Variants in CCDC88C observed in about 807,000 individuals in gnomAD.
The protein encoded by CCDC88C is coiled-coil and HOOK domain protein 88C, also known as protein Daple.
Under a neutral mutation model 198.8 loss-of-function variants are expected in CCDC88C, and 131 were observed. The ratio of observed to expected loss-of-function variants is 0.66; its 90% CI spans 0.57 to 0.76. CCDC88C has a LOEUF of 0.76. Ranked by LOEUF, CCDC88C falls within the 30% of genes least tolerant of loss-of-function variation. The probability of loss-of-function intolerance (pLI) is 0.00; values close to 1 mark genes in which losing one functional copy is unlikely to be tolerated. For missense variants in CCDC88C, 2,553 were observed against 2,631.6 expected, an observed-to-expected ratio of 0.97 and a Z score of 0.65; for synonymous variants, 1,166 against 1,114.7, an observed-to-expected ratio of 1.05 and a Z score of -0.92.
chr14:91,281,207 G>C (rs1013029899), intron 27 of CCDC88C: 8 of 909,308 alleles, frequency 8.8e-6, no homozygotes, highest in Admixed American at 6.5e-5. Context: ...GTGCTTGAAG[G>C]CATGAAGAGG....
At chr14:91,328,919 G>A (rs1892689781) in intron 10 of CCDC88C, among the ~76,000 whole-genome samples, 1 of 152,196 alleles carries the variant, frequency 6.6e-6, no homozygotes, top group Non-Finnish European at 1.5e-5. Flanking sequence ...GCACCAGAGG[G>A]GGTGCGGAAT....
rs778244352 is a variant in CCDC88C, at chr14:91,303,996, CGCGGCGTGGCGCAG to C, written c.3358-32_3358-19del. 6.3e-7 allele frequency: 1 copy of C among 1,590,456 alleles called. No individual in the cohort carries two copies. Among genetic ancestry groups the C allele is most frequent in the South Asian group, 1.1e-5 (1 of 90,814 alleles). On this transcript the variant is annotated intron_variant, in intron 19 of 29. Coordinates refer to ENST00000389857, the MANE Select transcript of CCDC88C (RefSeq NM_001080414.4). ...TTCTCCACCTGCCGAGAGGGAGAAG[CGCGGCGTGGCGCAG>C]GCCCCACAGTCAGCGAGGAGGGCTG...
Position 91,326,368 on chromosome 14 carries a change from G to A in CCDC88C, c.1051-312C>T, listed in dbSNP as rs114903635. 6.8e-3 allele frequency among the ~76,000 whole-genome samples: 1,037 copies of A among 152,142 alleles called. 10 individuals are homozygous for A. The highest frequency in any genetic ancestry group is 0.023 in the African/African-American group (965 of 41,478). ...GCTGCAATTACAGGCGCCTGCTATCGCGCCCGGCTAATTTTTGTATCTTTA... is the reference window on the plus strand; with the variant it reads ...GCTGCAATTACAGGCGCCTGCTATCACGCCCGGCTAATTTTTGTATCTTTA... On this transcript the variant is annotated intron_variant, in intron 10 of 29. Transcript: ENST00000389857.
intron 25 of CCDC88C, chr14:91,285,880 G>T (rs1181617716): frequency 8.3e-6 from 9 of 1,090,386 alleles, no homozygotes; most frequent in Non-Finnish European, 1.1e-5. Flanking sequence ...GAAGGAAAAA[G>T]AAAACACAAA....
At chr14:91,386,045 A>C (rs562403452) in intron 3 of CCDC88C, among the ~76,000 whole-genome samples, 44 of 152,250 alleles carry the variant, frequency 2.9e-4, no homozygotes, top group African/African-American at 1.1e-3. Flanking sequence ...CCAGGGCCTC[A>C]TTACCTATCT....
rs781474691 is a variant in CCDC88C, at chr14:91,299,967, C to T, written c.3739G>A (p.Ala1247Thr). 67 of 1,593,164 alleles carry T rather than the reference C, an allele frequency of 4.2e-5. No individual in the cohort carries two copies. Among genetic ancestry groups the T allele is most frequent in the Non-Finnish European group, 5.0e-5 (59 of 1,171,366 alleles). ...LQQEQRTNAL[A>T]MGENQRLRGE... ...CGCAGCCTCTGGTTCTCGCCCATGG[C>T]GAGGGCGTTTGTCCTCTGCTCCTGC... The change falls in exon 21 of 30, where the codon GCC becomes ACC. Residue 1247 changes from alanine to threonine, a missense_variant. By Grantham distance (58) the Ala-to-Thr change is moderately conservative (BLOSUM62 0). This residue lies in a region of CCDC88C where 1,293 missense variants were observed against 1,219.6 expected (regional missense o/e 1.06). Coordinates refer to ENST00000389857, the MANE Select transcript of CCDC88C (RefSeq NM_001080414.4).
At chr14:91,301,574 G>A (rs555872582) in intron 20 of CCDC88C, among the ~76,000 whole-genome samples, 2 of 152,254 alleles carry the variant, frequency 1.3e-5, no homozygotes, top group South Asian at 4.2e-4. Context: ...AAAATTAGCC[G>A]GGTGTGGTGG....
intron 22 of CCDC88C, among the ~76,000 whole-genome samples, chr14:91,296,157 G>T (rs1332329428): frequency 1.3e-5 from 2 of 152,152 alleles, no homozygotes; most frequent in Non-Finnish European, 2.9e-5. Context: ...TGTTTGGGGG[G>T]ACTGGTTTGT....
intron 24 of CCDC88C, among the ~76,000 whole-genome samples, chr14:91,289,698 G>C (rs1180458445): frequency 6.6e-6 from 1 of 152,164 alleles, no homozygotes; most frequent in Non-Finnish European, 1.5e-5. Flanking sequence ...TTAATAATCA[G>C]TGAAATAAGC....
intron 3 of CCDC88C, among the ~76,000 whole-genome samples, chr14:91,365,363 C>T (rs1418416602): frequency 2.0e-5 from 3 of 152,210 alleles, no homozygotes; most frequent in Non-Finnish European, 4.4e-5. Context: ...GTCTGAGCGC[C>T]TCCCTTCTCC....
intron 10 of CCDC88C, among the ~76,000 whole-genome samples, chr14:91,332,212 G>A (rs888286511): frequency 1.3e-5 from 2 of 152,156 alleles, no homozygotes; most frequent in African/African-American, 4.8e-5. Context: ...AAAATACGGG[G>A]AAAGAGAACC....
chr14:91,274,074 ACAT>A (rs1260153184), intron 29 of CCDC88C, among the ~76,000 whole-genome samples: 2 of 151,842 alleles, frequency 1.3e-5, no homozygotes, highest in Non-Finnish European at 2.9e-5. Flanking sequence ...TCACCCCGGG[ACAT>A]CATAAGGACT....
intron 26 of CCDC88C, 111 bp from the exon 27 acceptor site, chr14:91,281,636 T>G: frequency 3.4e-6 from 3 of 893,610 alleles, no homozygotes; most frequent in Non-Finnish European, 5.5e-6. Flanking sequence ...CTCTTGGGGA[T>G]GAGGGAATGG....
intron 4 of CCDC88C, among the ~76,000 whole-genome samples, chr14:91,349,318 G>C (rs910115099): frequency 1.3e-5 from 2 of 152,252 alleles, no homozygotes; most frequent in Admixed American, 1.3e-4. Context: ...GAGTTCCACA[G>C]ATAAGGAGGA....
intron 5 of CCDC88C, among the ~76,000 whole-genome samples, chr14:91,343,104 G>A (rs1248622655): frequency 1.3e-5 from 2 of 152,084 alleles, no homozygotes; most frequent in Non-Finnish European, 2.9e-5. Context: ...ACAGGCATGC[G>A]CCACCACACC....
At chr14:91,402,709 A>G (rs995200263) in intron 3 of CCDC88C, among the ~76,000 whole-genome samples, 2 of 152,272 alleles carry the variant, frequency 1.3e-5, no homozygotes, top group African/African-American at 2.4e-5. Flanking sequence ...TTTCTTAAAA[A>G]AGGAAAAGGT....
Position 91,324,789 on chromosome 14 carries a change from G to T in CCDC88C, c.1332C>A (p.Asp444Glu). 6.2e-7 allele frequency: 1 copy of T among 1,611,594 alleles called. No homozygotes were observed. The highest frequency in any genetic ancestry group is 8.5e-7 in the Non-Finnish European group (1 of 1,179,882). Residue 444 changes from aspartate to glutamate, a missense_variant, in exon 12 of 30, where the codon GAC becomes GAA. By Grantham distance (45) the Asp-to-Glu change is conservative. Transcript: ENST00000389857. ...WELEQLSKNA[D>E]LSDASRKSFV... ...CCAGGCGCTACCTACCGTCTGACAA[G>T]TCTGCGTTCTTGGACAGCTGCTCCA...
At chr14:91,393,700 C>G (rs1885663932) in intron 3 of CCDC88C, among the ~76,000 whole-genome samples, 1 of 152,148 alleles carries the variant, frequency 6.6e-6, no homozygotes, top group Admixed American at 6.5e-5. Context: ...CTAAAAAATA[C>G]CAAATTAGCC....
At chr14:91,317,579 G>A (rs1221327443) in intron 13 of CCDC88C, among the ~76,000 whole-genome samples, 1 of 152,264 alleles carries the variant, frequency 6.6e-6, no homozygotes, top group Admixed American at 6.5e-5. Flanking sequence ...TGGACAGAGA[G>A]TGAAGGGAGA....
Sources: gnomAD v4.1 joint callset for allele counts (sites outside exome capture counted in the v4.1 genomes callset) on GRCh38, gnomAD v4.1.1 for gene constraint, gnomAD v4.1.1 regional missense constraint, MANE v1.5 for transcripts, NCBI Gene and HGNC (gene_info 2026-07-23, HGNC 2026-07-21) for gene names.